The following FAM120B variants were observed in gnomAD, a reference collection of about 807,000 sequenced individuals.
FAM120B encodes constitutive coactivator of peroxisome proliferator-activated receptor gamma.
In FAM120B, 83 loss-of-function variants were observed where a neutral mutation model predicts 96.3. The ratio of observed to expected loss-of-function variants is 0.86; its 90% CI spans 0.72 to 1.03. The LOEUF is 1.03. Ranked by LOEUF, FAM120B falls within the 50% of genes least tolerant of loss-of-function variation. The pLI is 0.00. For synonymous variants in FAM120B, 407 were observed against 402.7 expected (o/e 1.01, Z -0.13); for missense variants, 1,027 against 1,121.2 (o/e 0.92, Z 1.20).
At chr6:170,308,059 C>T (rs1435501447) in intron 1 of FAM120B, among the ~76,000 whole-genome samples, 1 of 152,154 alleles carries the variant, frequency 6.6e-6, no homozygotes, top group East Asian at 1.9e-4. Flanking sequence ...TCTGGCCTCC[C>T]CTTCACATAG....
At chr6:170,357,346 G>T (rs1562562401) in intron 5 of FAM120B, among the ~76,000 whole-genome samples, 1 of 152,062 alleles carries the variant, frequency 6.6e-6, no homozygotes, top group Non-Finnish European at 1.5e-5. Flanking sequence ...GGCACCGTCT[G>T]CTCTTGATGG....
intron 9 of FAM120B, among the ~76,000 whole-genome samples, chr6:170,398,436 A>G (rs28660178): frequency 0.01 from 294 of 29,138 alleles, no homozygotes; most frequent in Middle Eastern, 0.028. Flanking sequence ...AGTGAGTGAG[A>G]AAGGTAGAAC....
chr6:170,294,692 G>C (rs2114973273), upstream of FAM120B, among the ~76,000 whole-genome samples: 1 of 152,278 alleles, frequency 6.6e-6, no homozygotes, highest in African/African-American at 2.4e-5. The surrounding 1 kb of genome is among the most constrained non-coding windows in gnomAD (Gnocchi z 7.9). Context: ...CCAGGTTCGT[G>C]TGTGGTGGTG....
At chr6:170,303,537 C>T (rs757213424), upstream of FAM120B, among the ~76,000 whole-genome samples, 34 of 152,278 alleles carry the variant, frequency 2.2e-4, no homozygotes, top group Non-Finnish European at 4.1e-4. Context: ...CCAATGTGCC[C>T]GGCCTTATGC....
rs559689305 is a variant in FAM120B at position 170,344,743 on chromosome 6, C to T, written c.2018-3408C>T. 5.3e-5 allele frequency among the ~76,000 whole-genome samples: 8 copies of T among 152,322 alleles called. No homozygotes were observed. The East Asian group carries it at 1.2e-3, about 22-fold the overall frequency. ...CCTCTTTGCCTGCCTCTTGTTTTTC[C>T]CTTTACATTCCCCCAGTCAGCTTCC... On this transcript the variant is annotated intron_variant, in intron 4 of 10. Transcript: ENST00000476287.
rs190100158 is a variant in FAM120B, at chr6:170,354,650, G to A, written c.2191-3576G>A. 2.6e-3 allele frequency among the ~76,000 whole-genome samples: 392 copies of A among 152,248 alleles called. 1 individual carries two copies. The highest frequency in any genetic ancestry group is 8.5e-3 in the African/African-American group (354 of 41,546). Reference sequence around the variant, plus strand: ...CTCAAAAGAGGACATATAGCCGGGCGCGGTGGCTGATGCCTGTAATCCCAG... The same window carrying A: ...CTCAAAAGAGGACATATAGCCGGGCACGGTGGCTGATGCCTGTAATCCCAG... On this transcript the variant is annotated intron_variant, in intron 5 of 10. Coordinates refer to ENST00000476287, the MANE Select transcript of FAM120B (RefSeq NM_032448.3).
rs1778783220 is a variant in FAM120B at position 170,405,785 on chromosome 6, T to C, written c.*1034T>C. Reference sequence around the variant, plus strand: ...GCATGTGTGTGACTCCTGTGTCTGTTTCTGTGGGGTCATCCCTTTCGTTTC... The same window carrying C: ...GCATGTGTGTGACTCCTGTGTCTGTCTCTGTGGGGTCATCCCTTTCGTTTC... On this transcript the variant is annotated 3_prime_UTR_variant, in exon 11 of 11. Transcript: ENST00000476287. 6.6e-6 allele frequency: 1 copy of C among 152,216 alleles called. No individual in the cohort carries two copies. Among genetic ancestry groups the C allele is most frequent in the African/African-American group, 2.4e-5 (1 of 41,462 alleles). The allele number at this position is 152,216 out of a possible 1,614,324, so 9.4% of individuals were successfully genotyped here.
intron 10 of FAM120B, 33 bp downstream of exon 10, chr6:170,404,634 C>T (rs759572834): frequency 2.7e-6 from 4 of 1,485,570 alleles, no homozygotes; most frequent in Non-Finnish European, 3.8e-6. Flanking sequence ...CAGAAGAAAT[C>T]AGTCACATGT....
intron 5 of FAM120B, among the ~76,000 whole-genome samples, chr6:170,349,239 A>G (rs1312591138): frequency 6.6e-6 from 1 of 152,174 alleles, no homozygotes; most frequent in Non-Finnish European, 1.5e-5. Context: ...GATGTCTCAT[A>G]AGCTTTCTTC....
intron 4 of FAM120B, among the ~76,000 whole-genome samples, chr6:170,344,376 G>A (rs1429959489): frequency 3.8e-5 from 4 of 106,296 alleles, no homozygotes; most frequent in African/African-American, 1.6e-4. Context: ...CACCTGCACC[G>A]TTGCCTGCGG....
At chr6:170,374,567 C>A (rs1789398420) in intron 6 of FAM120B, among the ~76,000 whole-genome samples, 1 of 152,186 alleles carries the variant, frequency 6.6e-6, no homozygotes, top group Admixed American at 6.5e-5. Flanking sequence ...AAAAACTTAC[C>A]CACACGTAAC....
chr6:170,344,364 T>G (rs137869093), intron 4 of FAM120B, among the ~76,000 whole-genome samples: 7,981 of 104,744 alleles, frequency 0.076, 400 homozygotes, highest in East Asian at 0.16. Context: ...GTTCAGTCCA[T>G]TCACCTGCAC....
rs917651355 is a variant in FAM120B, at chr6:170,318,631, C to T, written c.1241C>T (p.Pro414Leu). The part of the protein sequence containing the change: ...CSDPEPRQEV[P>L]MCTGPEARQE... ...GACCCTGAACCCAGGCAAGAAGTTC[C>T]CATGTGTACAGGCCCTGAAGCCAGG... Residue 414 changes from proline (P) to leucine (L), a missense_variant, in exon 2 of 11, where the codon CCC becomes CTC. Around this residue, in one of 3 missense-constraint regions of FAM120B, gnomAD observed 880 missense variants for 980.9 expected, o/e 0.90. Transcript: ENST00000476287. The T allele has an allele frequency of 1.3e-6, 2 of 1,596,788 alleles. No individual in the cohort carries two copies. The highest frequency in any genetic ancestry group is 1.7e-6 in the Non-Finnish European group (2 of 1,170,774).
chr6:170,317,634 G>A lies in FAM120B; in HGVS notation c.244G>A (p.Gly82Arg), dbSNP rs1784981294. 1 of 1,614,042 alleles carries A rather than the reference G, an allele frequency of 6.2e-7. No individual in the cohort carries two copies. The highest frequency in any genetic ancestry group is 8.5e-7 in the Non-Finnish European group (1 of 1,180,050). Residue 82 changes from glycine to arginine, a missense_variant, in exon 2 of 11, where the codon GGG becomes AGG. Physicochemically the swap from Gly to Arg is moderately radical, Grantham distance 125. This residue lies in a region of FAM120B where 880 missense variants were observed against 980.9 expected (regional missense o/e 0.90). Transcript: ENST00000476287. The part of the protein sequence containing the change: ...RDFVKTFTAA[G>R]IKLIFFFDGM... ...TTTTGTTAAAACTTTTACGGCAGCT[G>A]GGATCAAGTTGATATTCTTCTTTGA...
At chr6:170,338,438 G>A (rs562656199) in intron 4 of FAM120B, among the ~76,000 whole-genome samples, 48 of 152,278 alleles carry the variant, frequency 3.2e-4, no homozygotes, top group Admixed American at 4.6e-4. Context: ...GCTGAGGTGC[G>A]TTTTACTTCC....
chr6:170,376,181 G>C (rs763057078), intron 6 of FAM120B, among the ~76,000 whole-genome samples: 16 of 152,136 alleles, frequency 1.1e-4, no homozygotes, highest in Non-Finnish European at 1.8e-4. Context: ...TATTTCTCTA[G>C]TTCGGGTCTC....
intron 7 of FAM120B, among the ~76,000 whole-genome samples, chr6:170,388,734 A>G (rs1430331618): frequency 6.6e-6 from 1 of 152,154 alleles, no homozygotes; most frequent in African/African-American, 2.4e-5. Flanking sequence ...ATGTTTTTGG[A>G]ATTTTGGAAT....
intron 6 of FAM120B, among the ~76,000 whole-genome samples, chr6:170,383,943 G>C (rs1283741505): frequency 6.6e-6 from 1 of 152,226 alleles, no homozygotes; most frequent in Non-Finnish European, 1.5e-5. Flanking sequence ...CGGCAATAAA[G>C]AGGAATGAGT....
At chr6:170,324,896 A>G (rs1303232544) in intron 3 of FAM120B, among the ~76,000 whole-genome samples, 2 of 152,194 alleles carry the variant, frequency 1.3e-5, no homozygotes, top group Non-Finnish European at 2.9e-5. Context: ...GTAGTTGAAA[A>G]TGTTGTGTAT....
Sources: gnomAD v4.1 joint callset for allele counts (sites outside exome capture counted in the v4.1 genomes callset) on GRCh38, gnomAD v4.1.1 for gene constraint, gnomAD v4.1.1 regional missense constraint, Gnocchi (gnomAD v3.1) non-coding constraint, MANE v1.5 for transcripts, NCBI Gene and HGNC (gene_info 2026-07-23, HGNC 2026-07-21) for gene names.